Variants in SLC9A9 observed in about 807,000 individuals in gnomAD.
The protein encoded by SLC9A9 is solute carrier family 9 member A9.
A neutral mutation model predicts 77.8 loss-of-function variants in SLC9A9; 62 were observed. That is an observed-to-expected ratio of 0.80 (90% confidence interval 0.65 to 0.98). The LOEUF (loss-of-function observed/expected upper bound fraction) is 0.98, where lower values mean the gene tolerates loss of function less well. SLC9A9 is among the 50% of genes least tolerant of loss of function. The pLI is 0.00. For synonymous variants in SLC9A9, 320 were observed against 283.5 expected (o/e 1.13, Z -1.29); for missense variants, 775 against 774.9 (o/e 1.00, Z 0.00).
chr3:143,291,945 AC>A (rs2030002963), intron 14 of SLC9A9, among the ~76,000 whole-genome samples: 1 of 152,156 alleles, frequency 6.6e-6, no homozygotes, highest in Admixed American at 6.5e-5. Context: ...AGGGGCTCTC[AC>A]CCTACACCTC....
At position 143,266,915 on chromosome 3, in the gene SLC9A9, C is replaced by A; in HGVS notation, c.1725G>T (p.Glu575Asp). 6.2e-7 allele frequency: 1 copy of A among 1,613,982 alleles called. No homozygotes were observed. The highest frequency in any genetic ancestry group is 8.5e-7 in the Non-Finnish European group (1 of 1,179,890). ...SPQAYGEQLK[E>D]DDVECIVNQD... ...GGTTTACAATGCATTCCACATCATCCTCTTTTAGCTGTTCCTGGTTGGGAA... is the reference window on the plus strand; with the variant it reads ...GGTTTACAATGCATTCCACATCATCATCTTTTAGCTGTTCCTGGTTGGGAA... The change falls in exon 16 of 16, where the codon GAG becomes GAT. Residue 575 changes from glutamate (E) to aspartate (D), a missense_variant. Glu to Asp is a conservative substitution (Grantham distance 45). Coordinates refer to ENST00000316549, the MANE Select transcript of SLC9A9 (RefSeq NM_173653.4).
intron 4 of SLC9A9, among the ~76,000 whole-genome samples, chr3:143,703,742 G>A (rs1380947127): frequency 6.6e-6 from 1 of 151,832 alleles, no homozygotes; most frequent in Admixed American, 6.6e-5. Context: ...TGAATTTGAA[G>A]ACAACAATAC....
chr3:143,389,437 G>C (rs1334414466), intron 12 of SLC9A9, among the ~76,000 whole-genome samples: 3 of 152,118 alleles, frequency 2.0e-5, no homozygotes. Flanking sequence ...CTCACTGTGG[G>C]AAGAAGTGGA....
At chr3:143,419,991 T>C (rs1161524272) in intron 12 of SLC9A9, among the ~76,000 whole-genome samples, 1 of 152,190 alleles carries the variant, frequency 6.6e-6, no homozygotes, top group Non-Finnish European at 1.5e-5. Flanking sequence ...AGTGATATTC[T>C]GAGTTCACTT....
intron 5 of SLC9A9, among the ~76,000 whole-genome samples, chr3:143,660,354 G>A (rs1576640621): frequency 6.6e-6 from 1 of 152,216 alleles, no homozygotes; most frequent in African/African-American, 2.4e-5. Context: ...GGGATCACTT[G>A]CAAGAGCCAG....
chr3:143,506,488 T>G (rs1228723384), intron 9 of SLC9A9, among the ~76,000 whole-genome samples: 24 of 152,226 alleles, frequency 1.6e-4, no homozygotes. Flanking sequence ...ATCATTTTAT[T>G]TTATATTGCT....
At chr3:143,308,775 C>T (rs1433997177) in intron 14 of SLC9A9, among the ~76,000 whole-genome samples, 1 of 152,052 alleles carries the variant, frequency 6.6e-6, no homozygotes, top group East Asian at 1.9e-4. Context: ...GTGCCTGGCC[C>T]AGGGTAAACG....
intron 2 of SLC9A9, among the ~76,000 whole-genome samples, chr3:143,815,772 A>G (rs1028042359): frequency 3.9e-5 from 6 of 152,106 alleles, no homozygotes; most frequent in Non-Finnish European, 2.9e-5. Flanking sequence ...AGGCTGAGAC[A>G]GGAGAATCGC....
chr3:143,300,259 T>C lies in SLC9A9; in HGVS notation c.1605-31279A>G, dbSNP rs561035236. Among the ~76,000 whole-genome samples the C allele has an allele frequency of 3.3e-5, 5 of 152,342 alleles. No homozygotes were observed. The South Asian group carries it at 6.2e-4, about 19-fold the overall frequency. ...TGAAAAGGGACAGAGTATTTGCACC[T>C]CTATCATAGGGTTGTGGTGAATATC... is the stretch of plus-strand genomic sequence containing the variant. On this transcript the variant is annotated intron_variant, in intron 14 of 15. Coordinates refer to ENST00000316549, the MANE Select transcript of SLC9A9 (RefSeq NM_173653.4).
At chr3:143,311,461 A>T (rs2031016122) in intron 14 of SLC9A9, among the ~76,000 whole-genome samples, 1 of 152,224 alleles carries the variant, frequency 6.6e-6, no homozygotes, top group Admixed American at 6.5e-5. Context: ...CAACATGATA[A>T]TGCAAGTTGT....
At chr3:143,389,962 G>C (rs2033518733) in intron 12 of SLC9A9, among the ~76,000 whole-genome samples, 1 of 152,212 alleles carries the variant, frequency 6.6e-6, no homozygotes, top group Non-Finnish European at 1.5e-5. Context: ...ATGCAGAGCT[G>C]GGATGCTGCT....
At chr3:143,794,031 A>G (rs1171953565) in intron 4 of SLC9A9, among the ~76,000 whole-genome samples, 3 of 152,334 alleles carry the variant, frequency 2.0e-5, no homozygotes, top group South Asian at 4.1e-4. Flanking sequence ...TTTATATAAC[A>G]TGGCCTGACT....
intron 9 of SLC9A9, among the ~76,000 whole-genome samples, chr3:143,534,724 C>T (rs1420184361): frequency 1.3e-5 from 2 of 152,148 alleles, no homozygotes; most frequent in African/African-American, 2.4e-5. Flanking sequence ...CAAGTGGGTG[C>T]TAGGCTTGAT....
rs1033125323 is a variant in SLC9A9, at chr3:143,655,438, G to A, written c.650-3078C>T. On this transcript the variant is annotated intron_variant, in intron 5 of 15. Coordinates refer to ENST00000316549, the MANE Select transcript of SLC9A9 (RefSeq NM_173653.4). ...ATAGGAAGGGGAAAAGATGCAATCCGATTTCTTAAACCTTTGATTTTATCA... is the reference window on the plus strand; with the variant it reads ...ATAGGAAGGGGAAAAGATGCAATCCAATTTCTTAAACCTTTGATTTTATCA... 17 of 979,740 alleles carry A rather than the reference G, an allele frequency of 1.7e-5. No individual in the cohort carries two copies. In the African/African-American group the frequency reaches 3.0e-4, roughly 17 times the overall value. The allele number at this position is 979,740 out of a possible 1,614,324, so 60.7% of individuals were successfully genotyped here.
chr3:143,803,442 A>G (rs553908273), intron 2 of SLC9A9, among the ~76,000 whole-genome samples: 1 of 152,172 alleles, frequency 6.6e-6, no homozygotes, highest in South Asian at 2.1e-4. Flanking sequence ...ATCATTCTCT[A>G]CTACTTATAA....
intron 2 of SLC9A9, among the ~76,000 whole-genome samples, chr3:143,830,301 C>T (rs2009402773): frequency 6.6e-6 from 1 of 152,112 alleles, no homozygotes; most frequent in Non-Finnish European, 1.5e-5. Flanking sequence ...TTGACAAGTT[C>T]ATCTAGAAAC....
At chr3:143,572,152 G>A (rs1057285818) in intron 8 of SLC9A9, among the ~76,000 whole-genome samples, 3 of 152,214 alleles carry the variant, frequency 2.0e-5, no homozygotes, top group African/African-American at 4.8e-5. Context: ...TTGAAAGGGT[G>A]TGAAAGAGCA....
Position 143,394,229 on chromosome 3 carries a change from C to T in SLC9A9, c.1470-12115G>A, listed in dbSNP as rs141346295. 6.2e-3 allele frequency among the ~76,000 whole-genome samples: 948 copies of T among 152,256 alleles called. 4 individuals are homozygous for T. The highest frequency in any genetic ancestry group is 0.01 in the South Asian group (49 of 4,824). ...TAAAATACTGGCAAACTGAATCCAG[C>T]GGCACATCAAAAAGCTTATCCACCA... On this transcript the variant is annotated intron_variant, in intron 12 of 15. Transcript: ENST00000316549.
chr3:143,433,599 G>A (rs910551915), intron 12 of SLC9A9, among the ~76,000 whole-genome samples: 1 of 152,180 alleles, frequency 6.6e-6, no homozygotes, highest in Non-Finnish European at 1.5e-5. Context: ...ATTATAAAAG[G>A]TGGGGGTGTT....
Sources: gnomAD v4.1 joint callset for allele counts (sites outside exome capture counted in the v4.1 genomes callset) on GRCh38, gnomAD v4.1.1 for gene constraint, MANE v1.5 for transcripts, NCBI Gene and HGNC (gene_info 2026-07-23, HGNC 2026-07-21) for gene names.